Variants in RANBP2 observed in about 807,000 individuals in gnomAD.
RANBP2 encodes the protein E3 SUMO-protein ligase RanBP2.
A neutral mutation model predicts 303.6 loss-of-function variants in RANBP2; 57 were observed. That is an observed-to-expected ratio of 0.19 (90% CI 0.15 to 0.23). The LOEUF is 0.23. Among genes scored for constraint, RANBP2 ranks in the 10% least tolerant of loss-of-function variants. The probability of loss-of-function intolerance (pLI) is 1.00; values close to 1 mark genes in which losing one functional copy is unlikely to be tolerated. For synonymous variants in RANBP2, 1,167 were observed against 1,301.5 expected (o/e 0.90, Z 2.23); for missense variants, 3,138 against 3,780.8 (o/e 0.83, Z 4.46).
the RANBP2 span, chr2:109,568,023 T>G: frequency 7.0e-7 from 1 of 1,419,260 alleles, no homozygotes; most frequent in Non-Finnish European, 9.5e-7. Flanking sequence ...ATTTTTTTTT[T>G]TAATCCTGCA....
At chr2:109,364,889 G>A in the RANBP2 span, among the ~76,000 whole-genome samples, 4 of 152,138 alleles carry the variant, frequency 2.6e-5, no homozygotes, top group African/African-American at 9.7e-5. Context: ...TCAGGAGTTC[G>A]AGACCAGCCT....
chr2:109,201,468 C>A, the RANBP2 span, among the ~76,000 whole-genome samples: 1 of 152,184 alleles, frequency 6.6e-6, no homozygotes, highest in Non-Finnish European at 1.5e-5. Flanking sequence ...TCCCACCTCT[C>A]TCTCTCTTAT....
At chr2:108,862,452 G>T in the RANBP2 span, among the ~76,000 whole-genome samples, 2 of 152,090 alleles carry the variant, frequency 1.3e-5, no homozygotes, top group African/African-American at 4.8e-5. Flanking sequence ...GAGGATTTTG[G>T]ATTTTCAGAT....
chr2:109,297,186 G>A, the RANBP2 span, among the ~76,000 whole-genome samples: 1 of 151,904 alleles, frequency 6.6e-6, no homozygotes, highest in African/African-American at 2.4e-5. Flanking sequence ...CCTCTGCAGG[G>A]GGGTGAGTTC....
At chr2:109,240,649 A>T in the RANBP2 span, among the ~76,000 whole-genome samples, 1 of 152,106 alleles carries the variant, frequency 6.6e-6, no homozygotes, top group African/African-American at 2.4e-5. Context: ...CCTGCCACTG[A>T]CGGATTATTT....
the RANBP2 span, among the ~76,000 whole-genome samples, chr2:109,526,819 A>G: frequency 6.6e-6 from 1 of 152,030 alleles, no homozygotes; most frequent in South Asian, 2.1e-4. Flanking sequence ...TTCCTATTCA[A>G]CCCTCTGGTG....
At chr2:108,781,209 G>T in intron 25 of RANBP2, 60 bp from the exon 26 acceptor site, 2 of 1,519,164 alleles carry the variant, frequency 1.3e-6, no homozygotes, top group Non-Finnish European at 9.1e-7. Context: ...TAAAATAAGA[G>T]GGGGATGAAA....
chr2:108,806,056 T>G, the RANBP2 span, among the ~76,000 whole-genome samples: 2 of 152,172 alleles, frequency 1.3e-5, no homozygotes, highest in African/African-American at 4.8e-5. Context: ...CTGCTTTTGT[T>G]TCCCTTTAAT....
chr2:109,271,182 A>G, the RANBP2 span, among the ~76,000 whole-genome samples: 2 of 152,166 alleles, frequency 1.3e-5, no homozygotes, highest in Non-Finnish European at 2.9e-5. Context: ...AGTATTTGCT[A>G]ATGAGCAAAA....
At chr2:109,026,675 GGT>G in the RANBP2 span, among the ~76,000 whole-genome samples, 3 of 152,326 alleles carry the variant, frequency 2.0e-5, no homozygotes, top group Admixed American at 2.0e-4. Context: ...GCACCCTCTA[GGT>G]GGGGAAAAAG....
chr2:109,177,359 A>G, the RANBP2 span, among the ~76,000 whole-genome samples: 1 of 152,186 alleles, frequency 6.6e-6, no homozygotes, highest in Non-Finnish European at 1.5e-5. Flanking sequence ...AAGGGACTGC[A>G]ACTAACCAGG....
the RANBP2 span, among the ~76,000 whole-genome samples, chr2:109,632,166 C>T: frequency 6.6e-6 from 1 of 152,162 alleles, no homozygotes; most frequent in Non-Finnish European, 1.5e-5. Context: ...GCCCTGATTC[C>T]ACGAGGAAAG....
At chr2:109,254,727 T>C in the RANBP2 span, among the ~76,000 whole-genome samples, 1 of 152,180 alleles carries the variant, frequency 6.6e-6, no homozygotes, top group African/African-American at 2.4e-5. Context: ...GCCGCTCCCA[T>C]GAGAGGAGCC....
the RANBP2 span, among the ~76,000 whole-genome samples, chr2:109,081,024 C>T: frequency 2.0e-5 from 3 of 152,214 alleles, no homozygotes; most frequent in African/African-American, 7.2e-5. Context: ...ACCAGCCATG[C>T]ATGGCCATGC....
chr2:109,356,870 C>T, the RANBP2 span, among the ~76,000 whole-genome samples: 20 of 152,238 alleles, frequency 1.3e-4, no homozygotes, highest in Non-Finnish European at 2.5e-4. Context: ...TCACGGCCCC[C>T]ACAGCGCTCT....
the RANBP2 span, among the ~76,000 whole-genome samples, chr2:109,057,800 C>T: frequency 3.7e-3 from 560 of 152,338 alleles, 4 homozygotes; most frequent in Non-Finnish European, 4.8e-3. Context: ...ACCTGCCTCA[C>T]TGAGTGCCAG....
At chr2:108,980,652 G>A in the RANBP2 span, among the ~76,000 whole-genome samples, 4 of 152,112 alleles carry the variant, frequency 2.6e-5, no homozygotes, top group Non-Finnish European at 5.9e-5. Flanking sequence ...GCCAGGGAGG[G>A]TTTCTCTGAT....
the RANBP2 span, chr2:109,553,030 C>A: frequency 6.4e-7 from 1 of 1,573,500 alleles, no homozygotes; most frequent in Non-Finnish European, 8.6e-7. Context: ...ATAAATCCTC[C>A]AAATTAATAG....
chr2:109,084,202 G>A, the RANBP2 span, among the ~76,000 whole-genome samples: 1 of 152,128 alleles, frequency 6.6e-6, no homozygotes, highest in Non-Finnish European at 1.5e-5. Flanking sequence ...ATCTCCAACA[G>A]AAATTGAACT....
Sources: gnomAD v4.1 joint callset for allele counts (sites outside exome capture counted in the v4.1 genomes callset) on GRCh38, gnomAD v4.1.1 for gene constraint, MANE v1.5 for transcripts, NCBI Gene and HGNC (gene_info 2026-07-23, HGNC 2026-07-21) for gene names.